CSMD1: variants seen among roughly 807,000 people sequenced by gnomAD.
CSMD1 encodes CUB and Sushi multiple domains 1.
A neutral mutation model predicts 417.5 loss-of-function variants in CSMD1; 213 were observed. The observed-to-expected ratio is 0.51, with a 90% confidence interval of 0.46 to 0.57. CSMD1 has a LOEUF of 0.57. Among genes scored for constraint, CSMD1 ranks in the 20% least tolerant of loss-of-function variants. The pLI is 0.00. For missense variants in CSMD1, 6,923 were observed against 4,529.7 expected (o/e 1.53, Z -15.17); for synonymous variants, 2,862 against 1,736.8 (o/e 1.65, Z -16.11).
At position 3,839,294 on chromosome 8, in the gene CSMD1, ATAC is replaced by A. The variant is rs1802941549; in HGVS notation, c.819-85255_819-85253del. On this transcript the variant is annotated intron_variant, in intron 5 of 69. Coordinates refer to ENST00000635120, the MANE Select transcript of CSMD1 (RefSeq NM_033225.6). ...TATTAATATATAATATTAATTATAT[ATAC>A]TATTATATATACTATTAATATATAT... is the stretch of plus-strand genomic sequence containing the variant. 2.4e-5 allele frequency among the ~76,000 whole-genome samples: 3 copies of A among 124,154 alleles called. No individual in the cohort carries two copies. The Admixed American group carries it at 3.0e-4, about 13-fold the overall frequency. The allele number at this position is 124,154 out of a possible 152,430, so 81.4% of individuals were successfully genotyped here. A position where few individuals can be genotyped will look rare whatever the true frequency, so the allele number is the denominator to read the frequency against.
chr8:4,389,863 A>G (rs1189500967), intron 3 of CSMD1, among the ~76,000 whole-genome samples: 2 of 152,164 alleles, frequency 1.3e-5, no homozygotes, highest in African/African-American at 4.8e-5. Flanking sequence ...AACTTTATAT[A>G]TCTCCCGCCC....
intron 6 of CSMD1, among the ~76,000 whole-genome samples, chr8:3,744,537 T>A (rs1175820520): frequency 6.6e-6 from 1 of 152,230 alleles, no homozygotes; most frequent in South Asian, 2.1e-4. Flanking sequence ...AAGATTCGTT[T>A]CTTTATTTTC....
chr8:4,205,388 C>T (rs11776490), intron 3 of CSMD1, among the ~76,000 whole-genome samples: 12,286 of 152,188 alleles, frequency 0.081, 700 homozygotes, highest in African/African-American at 0.16. Context: ...AATTTTTTAG[C>T]CTTGGCATGT....
At chr8:4,030,347 A>C (rs968091826) in intron 4 of CSMD1, among the ~76,000 whole-genome samples, 1 of 152,194 alleles carries the variant, frequency 6.6e-6, no homozygotes, top group Non-Finnish European at 1.5e-5. Flanking sequence ...ACTTCCTCTG[A>C]AATCTAGGCA....
At chr8:4,135,533 T>G (rs1305112904) in intron 3 of CSMD1, among the ~76,000 whole-genome samples, 1 of 152,144 alleles carries the variant, frequency 6.6e-6, no homozygotes, top group East Asian at 1.9e-4. Flanking sequence ...AAAAAACAGT[T>G]ATGTTTCAGA....
Position 2,938,617 on chromosome 8 carries a change from T to A in CSMD1, c.10663A>T (p.Thr3555Ser). The change falls in exon 70 of 70, where the codon ACA becomes TCA. Residue 3555 changes from threonine to serine, a missense_variant. By Grantham distance (58) the Thr-to-Ser change is moderately conservative (BLOSUM62 1). Transcript: ENST00000635120. ...ACTGTACAGACTGTGTTCAGAGTTGTGTCAAACCTCACAGCCTTGGCTTCT... is the reference window on the plus strand; with the variant it reads ...ACTGTACAGACTGTGTTCAGAGTTGAGTCAAACCTCACAGCCTTGGCTTCT... Reference protein sequence around the residue: ...PTEAKAVRFDTTLNTVCTVV With the variant: ...PTEAKAVRFDSTLNTVCTVV 1 of 1,612,392 alleles carries A rather than the reference T, an allele frequency of 6.2e-7. No individual in the cohort carries two copies.
At chr8:3,450,609 C>A (rs1815641578) in intron 12 of CSMD1, among the ~76,000 whole-genome samples, 1 of 151,724 alleles carries the variant, frequency 6.6e-6, no homozygotes, top group Non-Finnish European at 1.5e-5. Flanking sequence ...ATCATGGTTT[C>A]CAGCTTCATC....
chr8:4,024,003 A>G (rs1466514220), intron 4 of CSMD1, among the ~76,000 whole-genome samples: 2 of 152,046 alleles, frequency 1.3e-5, no homozygotes, highest in African/African-American at 2.4e-5. Flanking sequence ...AGGCTGACAT[A>G]TTTGACACTG....
chr8:3,254,370 G>C (rs564555274), intron 26 of CSMD1, among the ~76,000 whole-genome samples: 1 of 152,090 alleles, frequency 6.6e-6, no homozygotes, highest in Non-Finnish European at 1.5e-5. Flanking sequence ...TACTCTTCTC[G>C]AGGGGTATAT....
At chr8:3,091,952 T>C (rs1349576335) in intron 47 of CSMD1, among the ~76,000 whole-genome samples, 1 of 152,326 alleles carries the variant, frequency 6.6e-6, no homozygotes, top group East Asian at 1.9e-4. Context: ...AAGTAATATG[T>C]ATTGTTGTTA....
chr8:2,977,100 C>A (rs1376970611), intron 55 of CSMD1, among the ~76,000 whole-genome samples: 1 of 151,656 alleles, frequency 6.6e-6, no homozygotes, highest in Non-Finnish European at 1.5e-5. Flanking sequence ...CAACTTTATT[C>A]ATTTATTTTT....
At chr8:3,564,693 A>G (rs1286718515) in intron 10 of CSMD1, among the ~76,000 whole-genome samples, 3 of 152,132 alleles carry the variant, frequency 2.0e-5, no homozygotes, top group South Asian at 2.1e-4. Flanking sequence ...AATCCAGCAG[A>G]AAGTGGAGAA....
chr8:4,886,057 C>A (rs1171975905), intron 1 of CSMD1, among the ~76,000 whole-genome samples: 1 of 152,086 alleles, frequency 6.6e-6, no homozygotes, highest in Non-Finnish European at 1.5e-5. Flanking sequence ...GTGGTGCAAT[C>A]TTGGATCACT....
chr8:3,339,065 T>A (rs1386850218), intron 23 of CSMD1, among the ~76,000 whole-genome samples: 1 of 143,906 alleles, frequency 6.9e-6, no homozygotes, highest in African/African-American at 2.6e-5. Flanking sequence ...AATTCCCACC[T>A]ATGAGTGAGA....
intron 26 of CSMD1, among the ~76,000 whole-genome samples, chr8:3,282,259 G>A (rs1165285927): frequency 6.6e-6 from 1 of 152,204 alleles, no homozygotes; most frequent in East Asian, 1.9e-4. Flanking sequence ...GCAACAAATG[G>A]ACCACTCTGT....
At chr8:3,926,107 AC>A (rs1563218360) in intron 5 of CSMD1, among the ~76,000 whole-genome samples, 9 of 65,288 alleles carry the variant, frequency 1.4e-4, no homozygotes, top group Non-Finnish European at 1.5e-4. Context: ...ACACACACAC[AC>A]ACACACACAC....
chr8:2,965,744 T>C (rs1298340193), intron 59 of CSMD1, 31 bp downstream of exon 59: 3 of 1,563,758 alleles, frequency 1.9e-6, no homozygotes, highest in South Asian at 1.2e-5. Context: ...TCTATACACA[T>C]CTGTAAAATC....
chr8:4,183,770 G>C (rs892067504), intron 3 of CSMD1, among the ~76,000 whole-genome samples: 1 of 152,146 alleles, frequency 6.6e-6, no homozygotes, highest in African/African-American at 2.4e-5. Flanking sequence ...TTTCGTTGAT[G>C]AAAGCTTTTC....
chr8:4,626,367 G>C (rs1181245423), intron 2 of CSMD1, among the ~76,000 whole-genome samples: 2 of 151,902 alleles, frequency 1.3e-5, no homozygotes, highest in Non-Finnish European at 2.9e-5. Flanking sequence ...GATTTCTAAA[G>C]GAAAAAGTAA....
Sources: gnomAD v4.1 joint callset for allele counts (sites outside exome capture counted in the v4.1 genomes callset) on GRCh38, gnomAD v4.1.1 for gene constraint, MANE v1.5 for transcripts, NCBI Gene and HGNC (gene_info 2026-07-23, HGNC 2026-07-21) for gene names.